CDV3: variants seen among roughly 807,000 people sequenced by gnomAD.
CDV3 encodes the protein CDV3 homolog, also known as protein CDV3 homolog.
Under a neutral mutation model 24.5 loss-of-function variants are expected in CDV3, and 14 were observed. The observed-to-expected ratio is 0.57, with a 90% CI of 0.38 to 0.89. The LOEUF (loss-of-function observed/expected upper bound fraction) is 0.89, where lower values mean the gene tolerates loss of function less well. CDV3 is among the 40% of genes least tolerant of loss of function. CDV3 has a pLI of 0.00. For missense variants in CDV3, 304 were observed against 310.2 expected, an observed-to-expected ratio of 0.98 and a Z score of 0.15; for synonymous variants, 114 against 114.1, an observed-to-expected ratio of 1.00 and a Z score of 0.00.
rs2074701257 is a variant in CDV3, at chr3:133,573,949, A to T, written c.-96A>T. 2.0e-5 allele frequency: 19 copies of T among 963,138 alleles called. No individual in the cohort carries two copies. The highest frequency in any genetic ancestry group is 2.2e-5 in the Non-Finnish European group (18 of 808,322). 59.7% of individuals were successfully genotyped at this position (963,138 alleles called of 1,614,324 possible). ...GGGCTGAGGCGTCGCCGCGCCCGGC[A>T]GCGTGAGCGCAGAGCCGGCCTCGAC... is the stretch of plus-strand genomic sequence containing the variant. On this transcript the variant is annotated 5_prime_UTR_variant, in exon 1 of 5. Transcript: ENST00000264993.
chr3:133,579,405 C>G (rs1046843144), intron 2 of CDV3, among the ~76,000 whole-genome samples: 2 of 152,088 alleles, frequency 1.3e-5, no homozygotes, highest in Non-Finnish European at 2.9e-5. Flanking sequence ...TGGAAATAAC[C>G]GTTTGGAACG....
intron 2 of CDV3, among the ~76,000 whole-genome samples, chr3:133,582,836 G>C (rs1037288877): frequency 6.6e-6 from 1 of 152,154 alleles, no homozygotes; most frequent in Non-Finnish European, 1.5e-5. Flanking sequence ...GTATCTTCGA[G>C]GTGAAGAGTT....
Position 133,588,493 on chromosome 3 carries a change from AT to A in CDV3, c.*448del. On this transcript the variant is annotated 3_prime_UTR_variant, in exon 5 of 5. Coordinates refer to ENST00000264993, the MANE Select transcript of CDV3 (RefSeq NM_017548.5). ...TTGCAACCAGCTCTACTGGATTCTT[AT>A]CAGAAATCCTGCATAAAAAGTCAGC... The A allele has an allele frequency of 1.1e-6, 1 of 944,046 alleles. No homozygotes were observed. The highest frequency in any genetic ancestry group is 2.6e-5 in the East Asian group (1 of 38,008). The allele number at this position is 944,046 out of a possible 1,614,324, so 58.5% of individuals were successfully genotyped here. A position where few individuals can be genotyped will look rare whatever the true frequency, so the allele number is the denominator to read the frequency against.
chr3:133,586,643 C>A lies in CDV3; in HGVS notation c.547C>A (p.Pro183Thr). ...CAGGTTAACCACAACAAGGAAAACA[C>A]CACAAGGACCACCAGAAATCTACAG... is the stretch of plus-strand genomic sequence containing the variant. ...GARLTTTRKT[P>T]QGPPEIYSDT... The change falls in exon 4 of 5, where the codon CCA (proline) becomes ACA (threonine). Residue 183 changes from proline to threonine, a missense_variant. Around this residue, in one of 3 missense-constraint regions of CDV3, gnomAD observed 29 missense variants for 55.8 expected, o/e 0.52. Coordinates refer to ENST00000264993, the MANE Select transcript of CDV3 (RefSeq NM_017548.5). 1 of 1,591,460 alleles carries A rather than the reference C, an allele frequency of 6.3e-7. No individual in the cohort carries two copies. Among genetic ancestry groups the A allele is most frequent in the Non-Finnish European group, 8.6e-7 (1 of 1,159,360 alleles).
At chr3:133,587,798 T>A in intron 4 of CDV3, 98 bp from the exon 5 acceptor site, 2 of 1,497,328 alleles carry the variant, frequency 1.3e-6, no homozygotes, top group African/African-American at 2.8e-5. Context: ...TCCCCAGGAT[T>A]CTTCTAAGGG....
chr3:133,584,249 A>AGG, intron 3 of CDV3, 99 bp downstream of exon 3: 1 of 834,232 alleles, frequency 1.2e-6, no homozygotes, highest in South Asian at 1.8e-5. Context: ...TAGGGTGAGG[A>AGG]GGAGAGGCTC....
intron 1 of CDV3, 143 bp downstream of exon 1, chr3:133,574,427 C>G (rs1411463156): frequency 1.0e-6 from 1 of 983,092 alleles, no homozygotes. Context: ...CGCAGGCTCT[C>G]CACCTCGGGC....
chr3:133,588,527 G>T lies in CDV3; in HGVS notation c.*481G>T. On this transcript the variant is annotated 3_prime_UTR_variant, in exon 5 of 5. Transcript: ENST00000264993. ...CCTGCATAAAAAGTCAGCCATCTGG[G>T]TTCTGATCTGCTGTAAAAGATGAAG... is the stretch of plus-strand genomic sequence containing the variant. 2.8e-6 allele frequency: 2 copies of T among 702,664 alleles called. No homozygotes were observed. Among genetic ancestry groups the T allele is most frequent in the East Asian group, 2.7e-5 (1 of 37,010 alleles). 43.5% of individuals were successfully genotyped at this position (702,664 alleles called of 1,614,324 possible). A position where few individuals can be genotyped will look rare whatever the true frequency, so the allele number is the denominator to read the frequency against.
At position 133,580,608 on chromosome 3, in the gene CDV3, A is replaced by G. The variant is rs368423763; in HGVS notation, c.318-3394A>G. ...TCCCAGTTACTTGGTGGGCTGAGATAGAAGAATTGCTTGAACCCGGGAGGC... is the reference window on the plus strand; with the variant it reads ...TCCCAGTTACTTGGTGGGCTGAGATGGAAGAATTGCTTGAACCCGGGAGGC... On this transcript the variant is annotated intron_variant, in intron 2 of 4. Transcript: ENST00000264993. Among the ~76,000 whole-genome samples the G allele has an allele frequency of 2.7e-3, 409 of 152,274 alleles. 2 individuals are homozygous for G. Among genetic ancestry groups the G allele is most frequent in the African/African-American group, 9.0e-3 (374 of 41,556 alleles).
chr3:133,587,946 G>A lies in CDV3; in HGVS notation c.677G>A (p.Gly226Asp), dbSNP rs143704956. 1.9e-3 allele frequency: 3,066 copies of A among 1,613,666 alleles called. 51 individuals are homozygous for A. The African/African-American group carries it at 0.034, about 18-fold the overall frequency. Residue 226 changes from glycine (G) to aspartate (D), a missense_variant, in exon 5 of 5, where the codon GGT becomes GAT. Physicochemically the swap from Gly to Asp is moderately conservative, Grantham distance 94. Coordinates refer to ENST00000264993, the MANE Select transcript of CDV3 (RefSeq NM_017548.5). ...SFEVVRHKNR[G>D]RDEVSKNQAL... ...GAAGTAGTAAGACACAAAAATAGAGGTAGGGATGAGGTTTCAAAAAACCAG... is the reference window on the plus strand; with the variant it reads ...GAAGTAGTAAGACACAAAAATAGAGATAGGGATGAGGTTTCAAAAAACCAG...
chr3:133,575,166 A>G, intron 2 of CDV3, 51 bp downstream of exon 2: 1 of 997,144 alleles, frequency 1.0e-6, no homozygotes, highest in East Asian at 2.4e-5. Flanking sequence ...TAGATATTGG[A>G]TACAAGTTAG....
At chr3:133,587,148 T>C in intron 4 of CDV3, 1 of 1,262,020 alleles carries the variant, frequency 7.9e-7, no homozygotes, top group East Asian at 2.7e-5. Flanking sequence ...ATTAAAATAA[T>C]CTTATTTCAG....
At chr3:133,575,266 C>G in intron 2 of CDV3, 151 bp downstream of exon 2, 1 of 540,634 alleles carries the variant, frequency 1.8e-6, no homozygotes, top group Non-Finnish European at 3.4e-6. Context: ...TACTCTTTCT[C>G]ACTCCATGGA....
intron 4 of CDV3, 120 bp from the exon 5 acceptor site, chr3:133,587,776 C>G (rs894203642): frequency 3.4e-6 from 5 of 1,460,842 alleles, no homozygotes; most frequent in Non-Finnish European, 4.5e-6. Flanking sequence ...TATATGCCTC[C>G]ACTCCTACCC....
chr3:133,587,146 A>G (rs1253033261), intron 4 of CDV3: 1 of 1,238,770 alleles, frequency 8.1e-7, no homozygotes, highest in East Asian at 2.7e-5. Context: ...ATATTAAAAT[A>G]ATCTTATTTC....
chr3:133,587,858 A>G, intron 4 of CDV3, 38 bp from the exon 5 acceptor site: 1 of 1,556,168 alleles, frequency 6.4e-7, no homozygotes, highest in Non-Finnish European at 8.7e-7. Flanking sequence ...ACCCTAGTGA[A>G]GAAGAAATAT....
chr3:133,584,679 C>G (rs1375274429), intron 3 of CDV3, among the ~76,000 whole-genome samples: 2 of 152,072 alleles, frequency 1.3e-5, no homozygotes, highest in Non-Finnish European at 2.9e-5. Context: ...TGTGCTTTGT[C>G]TTTTTCATTC....
At chr3:133,583,345 T>G (rs1322076479) in intron 2 of CDV3, among the ~76,000 whole-genome samples, 3 of 152,200 alleles carry the variant, frequency 2.0e-5, no homozygotes, top group African/African-American at 7.2e-5. Flanking sequence ...ATTTGCTCAC[T>G]AAAAATATGC....
intron 3 of CDV3, among the ~76,000 whole-genome samples, chr3:133,584,722 A>C (rs1933407291): frequency 1.3e-5 from 2 of 152,158 alleles, no homozygotes; most frequent in Non-Finnish European, 2.9e-5. Context: ...TGAAGCATGA[A>C]TTCTCAGCAG....
Sources: gnomAD v4.1 joint callset for allele counts (sites outside exome capture counted in the v4.1 genomes callset) on GRCh38, gnomAD v4.1.1 for gene constraint, gnomAD v4.1.1 regional missense constraint, MANE v1.5 for transcripts, NCBI Gene and HGNC (gene_info 2026-07-23, HGNC 2026-07-21) for gene names.